The following SYBU variants were observed in gnomAD, a reference collection of about 807,000 sequenced individuals.
SYBU encodes syntabulin.
SYBU carries 21 observed loss-of-function variants against 35.9 expected under a neutral mutation model. The ratio of observed to expected loss-of-function variants is 0.58; its 90% confidence interval spans 0.41 to 0.84. SYBU has a LOEUF of 0.84. Ranked by LOEUF, SYBU falls within the 40% of genes least tolerant of loss-of-function variation. The pLI is 0.00. For missense variants in SYBU, 768 were observed against 848.2 expected, an observed-to-expected ratio of 0.91 and a Z score of 1.17; for synonymous variants, 319 against 324.3, an observed-to-expected ratio of 0.98 and a Z score of 0.18.
At position 109,691,044 on chromosome 8, in the gene SYBU, T is replaced by C. The variant is rs1178234694; in HGVS notation, c.-58+289A>G. Reference sequence around the variant, plus strand: ...GCCTATACATTAGCCTGGCTAATCTTGCTCGTTGCAACAAGGAGTCCAGCC... The same window carrying C: ...GCCTATACATTAGCCTGGCTAATCTCGCTCGTTGCAACAAGGAGTCCAGCC... On this transcript the variant is annotated intron_variant, in intron 1 of 7. Transcript: ENST00000422135. The surrounding 1 kb of genome is among the most constrained non-coding windows in gnomAD (Gnocchi z 4.7). Among the ~76,000 whole-genome samples, 1 of 152,222 alleles carries C rather than the reference T, an allele frequency of 6.6e-6. No homozygotes were observed. Among genetic ancestry groups the C allele is most frequent in the African/African-American group, 2.4e-5 (1 of 41,460 alleles).
In SYBU at chr8:109,642,004, C is replaced by T. The variant is rs141488890; in HGVS notation, c.229+724G>A. 8.4e-3 allele frequency among the ~76,000 whole-genome samples: 1,284 copies of T among 152,250 alleles called. 11 individuals carry two copies. The highest frequency in any genetic ancestry group is 0.029 in the African/African-American group (1,222 of 41,526). On this transcript the variant is annotated intron_variant, in intron 2 of 6. Transcript: ENST00000276646. ...ATTCCACTATAAAGACACATGGACA[C>T]GTATGTTTATTGCAGCACTGTTCAC... is the stretch of plus-strand genomic sequence containing the variant.
At chr8:109,645,054 C>A, upstream of SYBU, 1 of 496,044 alleles carries the variant, frequency 2.0e-6, no homozygotes, top group Non-Finnish European at 3.9e-6. Context: ...AGGCAGGCTG[C>A]GGCTAGCGGC....
At chr8:109,631,327 A>G (rs896839872) in intron 2 of SYBU, among the ~76,000 whole-genome samples, 3 of 152,234 alleles carry the variant, frequency 2.0e-5, no homozygotes, top group Admixed American at 6.5e-5. Context: ...CTACAAAAGC[A>G]AAGTGGAGAG....
At chr8:109,615,202 T>A (rs923604831) in intron 3 of SYBU, among the ~76,000 whole-genome samples, 1 of 152,210 alleles carries the variant, frequency 6.6e-6, no homozygotes, top group Non-Finnish European at 1.5e-5. Context: ...GAGCCACTAA[T>A]TGCTTGCTAT....
chr8:109,587,544 A>G (rs1823761574), intron 3 of SYBU, among the ~76,000 whole-genome samples: 5 of 152,166 alleles, frequency 3.3e-5, no homozygotes, highest in Admixed American at 2.0e-4. Context: ...ATACATTACC[A>G]TCTCCCTAAA....
chr8:109,665,639 A>G (rs1235613733), intron 1 of SYBU, among the ~76,000 whole-genome samples: 1 of 152,232 alleles, frequency 6.6e-6, no homozygotes, highest in East Asian at 1.9e-4. Flanking sequence ...TCTTTGGCCT[A>G]TTAATGAGTT....
At chr8:109,577,820 GAGAA>G in intron 6 of SYBU, 44 bp downstream of exon 6, 1 of 1,500,454 alleles carries the variant, frequency 6.7e-7, no homozygotes, top group Non-Finnish European at 9.0e-7. Flanking sequence ...TCATTTTATG[GAGAA>G]AGAAGTTGTC....
intron 3 of SYBU, among the ~76,000 whole-genome samples, chr8:109,609,472 C>T (rs555215802): frequency 6.6e-6 from 1 of 152,250 alleles, no homozygotes; most frequent in African/African-American, 2.4e-5. Flanking sequence ...TTCCTTTTTG[C>T]TCTCTCAATT....
At chr8:109,592,987 G>A (rs530002124) in intron 3 of SYBU, among the ~76,000 whole-genome samples, 81 of 152,194 alleles carry the variant, frequency 5.3e-4, no homozygotes, top group African/African-American at 1.8e-3. Flanking sequence ...TCATAAATAC[G>A]AATCTTAAAA....
chr8:109,637,929 T>C (rs1444722129), intron 2 of SYBU, among the ~76,000 whole-genome samples: 1 of 152,214 alleles, frequency 6.6e-6, no homozygotes, highest in African/African-American at 2.4e-5. Context: ...AAATACTTTC[T>C]GCAAACACCT....
intron 3 of SYBU, among the ~76,000 whole-genome samples, chr8:109,608,757 T>C (rs1187598350): frequency 2.0e-5 from 3 of 152,210 alleles, no homozygotes; most frequent in Non-Finnish European, 4.4e-5. Flanking sequence ...CTTTTCTTAT[T>C]TCCCATTTTA....
rs945361845 is a variant in SYBU at position 109,691,459 on chromosome 8, C to A, written c.-184G>T. The A allele has an allele frequency of 3.2e-6, 2 of 618,848 alleles. No homozygotes were observed. The highest frequency in any genetic ancestry group is 5.5e-5 in the Admixed American group (2 of 36,442). The allele number at this position is 618,848 out of a possible 1,614,324, so 38.3% of individuals were successfully genotyped here. On this transcript the variant is annotated 5_prime_UTR_variant, in exon 1 of 8. Coordinates refer to the SYBU transcript ENST00000422135. The surrounding 1 kb of genome is among the most constrained non-coding windows in gnomAD (Gnocchi z 4.7). ...GACCCCGCGTCGCTGCTGGTTTGCG[C>A]TCAGGCCCGGGGAGCCGGGCCCGGC...
chr8:109,616,483 T>C (rs1052734557), intron 3 of SYBU, among the ~76,000 whole-genome samples: 5 of 152,158 alleles, frequency 3.3e-5, no homozygotes, highest in African/African-American at 1.2e-4. Context: ...ATTATGATTA[T>C]TGAAACAAGG....
At chr8:109,690,008 A>G (rs1817610381) in intron 1 of SYBU, among the ~76,000 whole-genome samples, 1 of 152,072 alleles carries the variant, frequency 6.6e-6, no homozygotes, top group Non-Finnish European at 1.5e-5. Context: ...GAATGCATAC[A>G]ATTACTTAGT....
chr8:109,594,368 C>A (rs574643862), intron 3 of SYBU, among the ~76,000 whole-genome samples: 2 of 152,240 alleles, frequency 1.3e-5, no homozygotes, highest in African/African-American at 2.4e-5. Context: ...ATTCTCCACT[C>A]TTCTTCATCT....
At chr8:109,632,675 G>C (rs1325288303) in intron 2 of SYBU, among the ~76,000 whole-genome samples, 1 of 152,008 alleles carries the variant, frequency 6.6e-6, no homozygotes. Flanking sequence ...GAAGAAAATA[G>C]AGTCAAAGAA....
intron 2 of SYBU, among the ~76,000 whole-genome samples, chr8:109,620,358 G>C (rs551484800): frequency 6.6e-6 from 1 of 152,228 alleles, no homozygotes; most frequent in African/African-American, 2.4e-5. Flanking sequence ...CTAAAATAAT[G>C]TGCCATCTAC....
intron 2 of SYBU, among the ~76,000 whole-genome samples, chr8:109,642,292 G>C (rs1234626412): frequency 2.0e-5 from 3 of 146,656 alleles, no homozygotes; most frequent in Non-Finnish European, 4.4e-5. Flanking sequence ...ACCAGGGCCT[G>C]TCAGGGGGTG....
intron 1 of SYBU, chr8:109,644,214 G>T (rs1431021028): frequency 2.1e-6 from 1 of 470,348 alleles, no homozygotes; most frequent in Non-Finnish European, 4.2e-6. Flanking sequence ...CACATCTGCC[G>T]CCCAGCAGGT....
Sources: gnomAD v4.1 joint callset for allele counts (sites outside exome capture counted in the v4.1 genomes callset) on GRCh38, gnomAD v4.1.1 for gene constraint, Gnocchi (gnomAD v3.1) non-coding constraint, MANE v1.5 for transcripts, NCBI Gene and HGNC (gene_info 2026-07-23, HGNC 2026-07-21) for gene names.